AUTS2: variants seen among roughly 807,000 people sequenced by gnomAD.
AUTS2 encodes the protein activator of transcription and developmental regulator AUTS2, also known as autism susceptibility gene 2 protein.
AUTS2 carries 17 observed loss-of-function variants against 112.4 expected under a neutral mutation model. The observed-to-expected ratio is 0.15, with a 90% confidence interval of 0.10 to 0.23. The LOEUF is 0.23. Ranked by LOEUF, AUTS2 falls within the 10% of genes least tolerant of loss-of-function variation. The pLI, the probability that AUTS2 is intolerant of heterozygous loss-of-function variation, is 1.00. For synonymous variants in AUTS2, 751 were observed against 702.7 expected (o/e 1.07, Z -1.09); for missense variants, 1,510 against 1,701.6 (o/e 0.89, Z 1.98).
intron 1 of AUTS2, among the ~76,000 whole-genome samples, chr7:69,838,277 G>C (rs1048136726): frequency 1.3e-5 from 2 of 151,752 alleles, no homozygotes; most frequent in Non-Finnish European, 2.9e-5. Context: ...TTATTTTACA[G>C]ATAAAGAATC....
At chr7:70,113,274 C>T (rs185682586) in intron 2 of AUTS2, among the ~76,000 whole-genome samples, 64 of 152,092 alleles carry the variant, frequency 4.2e-4, no homozygotes, top group African/African-American at 1.4e-3. Flanking sequence ...TTGCTTATTT[C>T]GATTCATCAG....
chr7:70,183,416 G>C (rs1809426845), intron 4 of AUTS2, among the ~76,000 whole-genome samples: 1 of 152,206 alleles, frequency 6.6e-6, no homozygotes, highest in Non-Finnish European at 1.5e-5. Flanking sequence ...ACACCGCCAG[G>C]TGACAAATGT....
chr7:70,062,447 A>C (rs1172855337), intron 2 of AUTS2, among the ~76,000 whole-genome samples: 1 of 150,474 alleles, frequency 6.6e-6, no homozygotes, highest in Non-Finnish European at 1.5e-5. Context: ...CAGGAGGCAG[A>C]GGTTGCAGTG....
intron 2 of AUTS2, among the ~76,000 whole-genome samples, chr7:70,117,346 A>G (rs1305018931): frequency 6.6e-6 from 1 of 152,192 alleles, no homozygotes; most frequent in Non-Finnish European, 1.5e-5. Context: ...GAAGGATAAC[A>G]TCACAGCATC....
chr7:70,528,790 A>T (rs2129497147), intron 5 of AUTS2, among the ~76,000 whole-genome samples: 1 of 150,246 alleles, frequency 6.7e-6, no homozygotes, highest in East Asian at 1.9e-4. Flanking sequence ...TCTGGGCATC[A>T]TAGCAAGATC....
chr7:70,260,258 C>T (rs529599940), intron 4 of AUTS2, among the ~76,000 whole-genome samples: 97 of 151,854 alleles, frequency 6.4e-4, no homozygotes, highest in South Asian at 2.3e-3. Context: ...CCCAGCTACT[C>T]GGGAGGCTGA....
chr7:70,101,752 A>T (rs1804509304), intron 2 of AUTS2, among the ~76,000 whole-genome samples: 1 of 152,168 alleles, frequency 6.6e-6, no homozygotes, highest in Admixed American at 6.5e-5. Context: ...GTATGTCTAT[A>T]ATGACTTTTT....
chr7:70,427,973 A>G (rs1443154157), intron 4 of AUTS2, among the ~76,000 whole-genome samples: 3 of 152,214 alleles, frequency 2.0e-5, no homozygotes, highest in East Asian at 1.9e-4. Flanking sequence ...TTATTTTCAA[A>G]TGGGCTCATT....
At chr7:69,669,463 C>T (rs1562798669) in intron 1 of AUTS2, among the ~76,000 whole-genome samples, 1 of 151,922 alleles carries the variant, frequency 6.6e-6, no homozygotes, top group Non-Finnish European at 1.5e-5. Flanking sequence ...ATTTTAATAG[C>T]CATATAGAGT....
At chr7:70,634,610 C>T (rs188346037) in intron 5 of AUTS2, among the ~76,000 whole-genome samples, 6 of 152,278 alleles carry the variant, frequency 3.9e-5, no homozygotes, top group Admixed American at 2.0e-4. Flanking sequence ...CAAGATCTTT[C>T]CTGCCCCAGT....
At chr7:70,661,631 G>A (rs1807078140) in intron 5 of AUTS2, among the ~76,000 whole-genome samples, 1 of 152,272 alleles carries the variant, frequency 6.6e-6, no homozygotes, top group Middle Eastern at 3.4e-3. Context: ...TCTGTACATC[G>A]AATGCTGGTG....
intron 1 of AUTS2, among the ~76,000 whole-genome samples, chr7:69,680,568 A>G (rs1196830943): frequency 2.0e-5 from 3 of 152,236 alleles, no homozygotes; most frequent in African/African-American, 7.2e-5. Flanking sequence ...CATCTTGTGA[A>G]TATGAAACTC....
At chr7:70,376,998 T>G (rs1034046464) in intron 4 of AUTS2, among the ~76,000 whole-genome samples, 10 of 151,862 alleles carry the variant, frequency 6.6e-5, no homozygotes, top group Non-Finnish European at 1.5e-4. Context: ...GTCCACGAAC[T>G]GGATAATATC....
chr7:70,264,298 C>T (rs1787312821), intron 4 of AUTS2, among the ~76,000 whole-genome samples: 1 of 152,158 alleles, frequency 6.6e-6, no homozygotes, highest in African/African-American at 2.4e-5. Flanking sequence ...ACCTTCACCT[C>T]CTGGGTTCAA....
intron 1 of AUTS2, among the ~76,000 whole-genome samples, chr7:69,632,133 G>A (rs1583975640): frequency 6.6e-6 from 1 of 152,188 alleles, no homozygotes; most frequent in East Asian, 1.9e-4. Flanking sequence ...AGAGGTCTTT[G>A]TTGTCAGTGA....
At chr7:70,498,058 C>T (rs1036728783) in intron 5 of AUTS2, among the ~76,000 whole-genome samples, 3 of 152,062 alleles carry the variant, frequency 2.0e-5, no homozygotes, top group Non-Finnish European at 4.4e-5. Context: ...GAGGGGTAGA[C>T]AGAATGCTGG....
At chr7:70,341,283 C>T (rs556680380) in intron 4 of AUTS2, among the ~76,000 whole-genome samples, 33 of 152,066 alleles carry the variant, frequency 2.2e-4, no homozygotes, top group Admixed American at 7.2e-4. Flanking sequence ...ATTAACGGAC[C>T]GCAGCATAAA....
intron 4 of AUTS2, among the ~76,000 whole-genome samples, chr7:70,175,276 A>C (rs1414649669): frequency 6.6e-6 from 1 of 152,214 alleles, no homozygotes; most frequent in African/African-American, 2.4e-5. Flanking sequence ...AATTTCTGCA[A>C]TCTCATCACC....
chr7:70,177,515 T>C (rs1809054274), intron 4 of AUTS2, among the ~76,000 whole-genome samples: 1 of 152,250 alleles, frequency 6.6e-6, no homozygotes, highest in African/African-American at 2.4e-5. Context: ...ATTTCTGTTA[T>C]TTCATTTTGA....
Sources: gnomAD v4.1 joint callset for allele counts (sites outside exome capture counted in the v4.1 genomes callset) on GRCh38, gnomAD v4.1.1 for gene constraint, MANE v1.5 for transcripts, NCBI Gene and HGNC (gene_info 2026-07-23, HGNC 2026-07-21) for gene names.